CASR: variants seen among roughly 807,000 people sequenced by gnomAD.
CASR encodes the protein calcium sensing receptor, also known as extracellular calcium-sensing receptor.
Under a neutral mutation model 69.1 loss-of-function variants are expected in CASR, and 23 were observed. That is an observed-to-expected ratio of 0.33 (90% confidence interval 0.24 to 0.47). The LOEUF (loss-of-function observed/expected upper bound fraction) is 0.47. Ranked by LOEUF, CASR falls within the 20% of genes least tolerant of loss-of-function variation. The pLI is 1.00. For synonymous variants in CASR, 541 were observed against 544.7 expected, an observed-to-expected ratio of 0.99 and a Z score of 0.10; for missense variants, 924 against 1,356.1, an observed-to-expected ratio of 0.68 and a Z score of 5.00.
intron 1 of CASR, among the ~76,000 whole-genome samples, chr3:122,213,142 C>T (rs760229730): frequency 6.6e-6 from 1 of 152,196 alleles, no homozygotes; most frequent in Non-Finnish European, 1.5e-5. Context: ...CTCTTGGCCT[C>T]CCTCAGAGAT....
intron 1 of CASR, among the ~76,000 whole-genome samples, chr3:122,244,850 A>G (rs2074411638): frequency 6.6e-6 from 1 of 152,244 alleles, no homozygotes; most frequent in Non-Finnish European, 1.5e-5. Flanking sequence ...ATCAATAAGC[A>G]TAGTTTTCAA....
At position 122,198,311 on chromosome 3, in the gene CASR, T is replaced by C. The variant is rs574349152; in HGVS notation, c.-243+14499T>C. On this transcript the variant is annotated intron_variant, in intron 1 of 6. Transcript: ENST00000639785. Reference sequence around the variant, plus strand: ...GTAATTGAAATGTTATTTGTAGTAGTAAAAACTTAAGAAATATCTTAAATG... The same window carrying C: ...GTAATTGAAATGTTATTTGTAGTAGCAAAAACTTAAGAAATATCTTAAATG... Among the ~76,000 whole-genome samples the C allele has an allele frequency of 5.9e-5, 9 of 152,336 alleles. No homozygotes were observed. The South Asian group carries it at 1.7e-3, about 28-fold the overall frequency.
intron 1 of CASR, among the ~76,000 whole-genome samples, chr3:122,188,905 C>T (rs568760303): frequency 6.6e-6 from 1 of 152,200 alleles, no homozygotes; most frequent in Non-Finnish European, 1.5e-5. Context: ...TTGGTAACCA[C>T]AGTATCCATT....
At chr3:122,184,573 G>A (rs1315206577) in intron 1 of CASR, 3 of 153,884 alleles carry the variant, frequency 1.9e-5, no homozygotes, top group East Asian at 3.9e-4. Context: ...AAGCGCCCCT[G>A]GTGGGGGAGG....
At chr3:122,247,309 G>A (rs7635112) in intron 1 of CASR, 126,790 of 152,182 alleles carry the variant, frequency 0.83, 53,273 homozygotes, top group Admixed American at 0.89. Flanking sequence ...AACACTTCCT[G>A]GTGACACATC....
intron 1 of CASR, among the ~76,000 whole-genome samples, chr3:122,237,589 G>C (rs1459481016): frequency 6.6e-6 from 1 of 152,196 alleles, no homozygotes; most frequent in Non-Finnish European, 1.5e-5. Flanking sequence ...TTATAGTAAA[G>C]TACAACAATA....
chr3:122,215,141 G>A (rs2074105058), intron 1 of CASR, among the ~76,000 whole-genome samples: 1 of 152,228 alleles, frequency 6.6e-6, no homozygotes, highest in Non-Finnish European at 1.5e-5. Flanking sequence ...GCCATACCAT[G>A]ATTACGGCCC....
intron 1 of CASR, among the ~76,000 whole-genome samples, chr3:122,225,011 C>T (rs879445392): frequency 7.2e-5 from 11 of 152,000 alleles, no homozygotes; most frequent in African/African-American, 1.5e-4. Context: ...AACTGGCTCG[C>T]ATAGGCAGAA....
chr3:122,273,600 A>G (rs1032609432), intron 4 of CASR, among the ~76,000 whole-genome samples: 1 of 152,188 alleles, frequency 6.6e-6, no homozygotes, highest in Non-Finnish European at 1.5e-5. Context: ...TGGTAGGTAC[A>G]TGGGACCAAA....
chr3:122,190,344 T>TTTA (rs1432858961), intron 1 of CASR, among the ~76,000 whole-genome samples: 2 of 152,174 alleles, frequency 1.3e-5, no homozygotes, highest in Admixed American at 1.3e-4. Context: ...CCAAGTAAAG[T>TTTA]TTATACTCCA....
intron 1 of CASR, among the ~76,000 whole-genome samples, chr3:122,221,166 T>G (rs2074166056): frequency 6.6e-6 from 1 of 152,190 alleles, no homozygotes; most frequent in South Asian, 2.1e-4. Context: ...GAATCCAGCA[T>G]GAGGCAGAGT....
intron 4 of CASR, among the ~76,000 whole-genome samples, chr3:122,271,955 C>A (rs1315951589): frequency 6.6e-6 from 1 of 152,142 alleles, no homozygotes; most frequent in East Asian, 1.9e-4. Context: ...TGTGGATATA[C>A]CACATTTTAT....
At chr3:122,207,920 G>C (rs1355286915) in intron 1 of CASR, among the ~76,000 whole-genome samples, 1 of 152,030 alleles carries the variant, frequency 6.6e-6, no homozygotes, top group Non-Finnish European at 1.5e-5. Flanking sequence ...GTGAATGATT[G>C]GTCCGTTACT....
chr3:122,184,369 G>C (rs2073753804), intron 1 of CASR: 1 of 152,816 alleles, frequency 6.5e-6, no homozygotes, highest in Non-Finnish European at 1.5e-5. Flanking sequence ...GCGGGCGCCG[G>C]GAGCGCAGCG....
At chr3:122,257,014 C>A in intron 2 of CASR, 67 bp from the exon 3 acceptor site, 1 of 1,355,988 alleles carries the variant, frequency 7.4e-7, no homozygotes, top group Non-Finnish European at 1.1e-6. Context: ...CCAGCTTTGC[C>A]AGGTCTTTAC....
intron 4 of CASR, among the ~76,000 whole-genome samples, chr3:122,273,676 C>T (rs1230424520): frequency 6.6e-6 from 1 of 152,082 alleles, no homozygotes; most frequent in Non-Finnish European, 1.5e-5. Context: ...CATGGTAGGT[C>T]CCCAGCAGGA....
At chr3:122,214,306 C>T (rs934209369) in intron 1 of CASR, among the ~76,000 whole-genome samples, 6 of 150,912 alleles carry the variant, frequency 4.0e-5, no homozygotes, top group Non-Finnish European at 7.4e-5. Flanking sequence ...TTAAAATATG[C>T]CACAGTGGCT....
At position 122,198,195 on chromosome 3, in the gene CASR, G is replaced by C. The variant is rs149652961; in HGVS notation, c.-243+14383G>C. 8.8e-3 allele frequency among the ~76,000 whole-genome samples: 1,334 copies of C among 152,306 alleles called. 14 individuals carry two copies. Among genetic ancestry groups the C allele is most frequent in the Non-Finnish European group, 0.015 (1,009 of 68,012 alleles). ...GAGCAAATTATCTGTAGCCAACTCAGAGAAAAGGATTTATGACACAGAATT... is the reference window on the plus strand; with the variant it reads ...GAGCAAATTATCTGTAGCCAACTCACAGAAAAGGATTTATGACACAGAATT... On this transcript the variant is annotated intron_variant, in intron 1 of 6. Coordinates refer to ENST00000639785, the MANE Select transcript of CASR (RefSeq NM_000388.4).
rs2107579671 is a variant in CASR, at chr3:122,190,683, G to A, written c.-243+6871G>A. On this transcript the variant is annotated intron_variant, in intron 1 of 6. Coordinates refer to ENST00000639785, the MANE Select transcript of CASR (RefSeq NM_000388.4). ...CATCATAGTGCCTGGTACACTGGAG[G>A]AGCTGAATGAATCAATGAATGAATG... is the stretch of plus-strand genomic sequence containing the variant. Among the ~76,000 whole-genome samples, 3 of 152,286 alleles carry A rather than the reference G, an allele frequency of 2.0e-5. No homozygotes were observed. In the Middle Eastern group the frequency reaches 0.01, roughly 518 times the overall value.
Sources: allele counts gnomAD v4.1 joint callset (sites outside exome capture counted in the v4.1 genomes callset), GRCh38; gene constraint gnomAD v4.1.1; transcripts MANE v1.5; gene names NCBI Gene and HGNC (gene_info 2026-07-23, HGNC 2026-07-21).